Variants in ARFGEF2 observed in about 807,000 individuals in gnomAD.
ARFGEF2 encodes the protein ARF guanine nucleotide exchange factor 2.
ARFGEF2 carries 74 observed loss-of-function variants against 219.9 expected under a neutral mutation model. The observed-to-expected ratio is 0.34, with a 90% CI of 0.28 to 0.41. ARFGEF2 has a LOEUF of 0.41. Ranked by LOEUF, ARFGEF2 falls within the 10% of genes least tolerant of loss-of-function variation. The probability of loss-of-function intolerance (pLI) is 1.00; values close to 1 mark genes in which losing one functional copy is unlikely to be tolerated. For missense variants in ARFGEF2, 1,743 were observed against 2,218.3 expected (o/e 0.79, Z 4.30); for synonymous variants, 733 against 799.2 (o/e 0.92, Z 1.40).
chr20:48,959,298 G>A (rs1217862917), intron 6 of ARFGEF2, among the ~76,000 whole-genome samples: 3 of 151,750 alleles, frequency 2.0e-5, no homozygotes, highest in Non-Finnish European at 1.5e-5. Context: ...TAATATCATA[G>A]CATCAGAGAA....
intron 1 of ARFGEF2, among the ~76,000 whole-genome samples, chr20:48,931,150 G>C (rs954711482): frequency 6.6e-6 from 1 of 152,200 alleles, no homozygotes; most frequent in Admixed American, 6.5e-5. Context: ...GGAAACAGAC[G>C]GTGAACATAG....
intron 8 of ARFGEF2, among the ~76,000 whole-genome samples, chr20:48,966,263 T>G (rs1333497929): frequency 6.6e-6 from 1 of 152,216 alleles, no homozygotes; most frequent in African/African-American, 2.4e-5. Context: ...ATACTTAAAT[T>G]TCTTGCCACT....
chr20:48,999,271 T>C (rs1393583276), intron 25 of ARFGEF2: 4 of 452,804 alleles, frequency 8.8e-6, no homozygotes, highest in Non-Finnish European at 1.8e-5. Context: ...TTTAAATCAG[T>C]AACAAGCCAA....
intron 6 of ARFGEF2, among the ~76,000 whole-genome samples, chr20:48,960,227 A>G (rs183114210): frequency 2.0e-5 from 3 of 152,338 alleles, no homozygotes; most frequent in Admixed American, 2.0e-4. Flanking sequence ...ACACCATGTT[A>G]CTGTATTGAA....
intron 23 of ARFGEF2, among the ~76,000 whole-genome samples, chr20:48,997,578 C>T (rs1372674012): frequency 1.3e-5 from 2 of 152,086 alleles, no homozygotes; most frequent in Admixed American, 6.6e-5. Context: ...TGGGCTCCCC[C>T]GTCTTTTGAT....
intron 17 of ARFGEF2, 42 bp downstream of exon 17, chr20:48,988,430 A>G: frequency 3.1e-6 from 5 of 1,611,318 alleles, no homozygotes; most frequent in Non-Finnish European, 4.2e-6. Context: ...TAGCTAAATA[A>G]GTGGCTTTAC....
Position 48,942,020 on chromosome 20 carries a change from G to T in ARFGEF2, c.276+33G>T, listed in dbSNP as rs376695710. ...GTTTAAACTTCGTGTTGTCAAGGGG[G>T]TTCTCTCCAAGCCACAGTTGGTCCT... is the stretch of plus-strand genomic sequence containing the variant. On this transcript the variant is annotated intron_variant, in intron 3 of 38. Transcript: ENST00000371917. 3.7e-6 allele frequency: 6 copies of T among 1,613,020 alleles called. No homozygotes were observed. The South Asian group carries it at 4.4e-5, about 12-fold the overall frequency.
intron 38 of ARFGEF2, 133 bp from the exon 39 acceptor site, chr20:49,032,890 G>GC: frequency 1.1e-6 from 1 of 921,030 alleles, no homozygotes; most frequent in Non-Finnish European, 1.7e-6. Flanking sequence ...ACTGCGCTCG[G>GC]CCCCAACTTT....
chr20:48,948,057 T>C (rs1266457406), intron 3 of ARFGEF2, among the ~76,000 whole-genome samples: 1 of 152,222 alleles, frequency 6.6e-6, no homozygotes, highest in Non-Finnish European at 1.5e-5. Flanking sequence ...AGAAAACTTT[T>C]GATTTTTTAA....
chr20:49,035,993 G>GAAA lies in ARFGEF2; in HGVS notation c.*2804_*2806dup, dbSNP rs397957165. The GAAA allele has an allele frequency of 1.7e-4, 57 of 345,208 alleles. No individual in the cohort carries two copies. The highest frequency in any genetic ancestry group is 2.4e-4 in the Non-Finnish European group (46 of 195,542). The allele number at this position is 345,208 out of a possible 1,614,324, so 21.4% of individuals were successfully genotyped here. The stretch of plus-strand genomic sequence containing the variant: ...CTGGCAGGTGACTTTTGTACGAAAT[G>GAAA]AAAAAAAAAAAACCTGTATTTTTTT... On this transcript the variant is annotated 3_prime_UTR_variant, in exon 39 of 39. Coordinates refer to ENST00000371917, the MANE Select transcript of ARFGEF2 (RefSeq NM_006420.3).
chr20:48,994,518 T>C lies in ARFGEF2; in HGVS notation c.3041T>C (p.Leu1014Pro), dbSNP rs2091375033. The part of the protein sequence containing the change: ...LIGTGVKTRY[L>P]SGSGREREGS... ...GGAACCGGTGTGAAGACGCGCTACC[T>C]GTCTGGATCTGGGCGTGAAAGAGAA... The change falls in exon 22 of 39, where the codon CTG becomes CCG. Residue 1014 changes from leucine to proline, a missense_variant. By Grantham distance (98) the Leu-to-Pro change is moderately conservative. Transcript: ENST00000371917. 6.2e-7 allele frequency: 1 copy of C among 1,614,104 alleles called. No individual in the cohort carries two copies. Among genetic ancestry groups the C allele is most frequent in the Non-Finnish European group, 8.5e-7 (1 of 1,180,034 alleles).
At chr20:48,994,248 T>A (rs1258630018) in intron 21 of ARFGEF2, among the ~76,000 whole-genome samples, 1 of 152,214 alleles carries the variant, frequency 6.6e-6, no homozygotes, top group Non-Finnish European at 1.5e-5. Context: ...ATGATGTGCC[T>A]ATTAAGTGAC....
intron 1 of ARFGEF2, among the ~76,000 whole-genome samples, chr20:48,928,078 C>A (rs1445529253): frequency 1.3e-5 from 2 of 152,072 alleles, no homozygotes; most frequent in African/African-American, 4.8e-5. Context: ...GATAGTAATA[C>A]CTTTGTCACA....
intron 23 of ARFGEF2, among the ~76,000 whole-genome samples, chr20:48,996,811 T>A (rs144795398): frequency 6.7e-6 from 1 of 150,182 alleles, no homozygotes; most frequent in South Asian, 2.1e-4. Context: ...TTTTTTTTTT[T>A]CTCCCCTCAA....
chr20:48,953,430 C>A, intron 5 of ARFGEF2, 126 bp from the exon 6 acceptor site: 1 of 868,464 alleles, frequency 1.2e-6, no homozygotes, highest in Non-Finnish European at 1.9e-6. Flanking sequence ...GCTGCCTCAG[C>A]CTTCCAAAGT....
Position 48,952,147 on chromosome 20 carries a change from C to T in ARFGEF2, c.424-558C>T, listed in dbSNP as rs1283218772. On this transcript the variant is annotated intron_variant, in intron 4 of 38. Transcript: ENST00000371917. Reference sequence around the variant, plus strand: ...TCAGTATGAAAATTCAGAAGTTTGGCCTTTTTTTTTTTTTTTTTTTTTTTT... The same window carrying T: ...TCAGTATGAAAATTCAGAAGTTTGGTCTTTTTTTTTTTTTTTTTTTTTTTT... Among the ~76,000 whole-genome samples, 6 of 109,546 alleles carry T rather than the reference C, an allele frequency of 5.5e-5. No individual in the cohort carries two copies. In the East Asian group the frequency reaches 8.2e-4, roughly 15 times the overall value. The allele number at this position is 109,546 out of a possible 152,430, so 71.9% of individuals were successfully genotyped here.
chr20:48,927,678 ACT>A (rs1263465323), intron 1 of ARFGEF2, among the ~76,000 whole-genome samples: 2 of 151,436 alleles, frequency 1.3e-5, no homozygotes, highest in African/African-American at 2.4e-5. Context: ...ACAGAGCGAG[ACT>A]CTGTCTCAAA....
At chr20:48,987,361 C>T (rs1348799344) in intron 16 of ARFGEF2, among the ~76,000 whole-genome samples, 3 of 152,202 alleles carry the variant, frequency 2.0e-5, no homozygotes, top group Non-Finnish European at 2.9e-5. Flanking sequence ...AGCCTCATAT[C>T]GTATGAAGCT....
At chr20:48,950,287 C>CT (rs1487391367) in intron 3 of ARFGEF2, among the ~76,000 whole-genome samples, 2 of 152,016 alleles carry the variant, frequency 1.3e-5, no homozygotes, top group Non-Finnish European at 2.9e-5. Flanking sequence ...AGAAAATACA[C>CT]TGACAGGATT....
Sources: allele counts gnomAD v4.1 joint callset (sites outside exome capture counted in the v4.1 genomes callset), GRCh38; gene constraint gnomAD v4.1.1; transcripts MANE v1.5; gene names NCBI Gene and HGNC (gene_info 2026-07-23, HGNC 2026-07-21).